CNTN4: variants seen among roughly 807,000 people sequenced by gnomAD.
The protein encoded by CNTN4 is contactin-4.
In CNTN4, 77 loss-of-function variants were observed where a neutral mutation model predicts 122.5. The observed-to-expected ratio is 0.63, with a 90% confidence interval of 0.52 to 0.76. The LOEUF is 0.76. Ranked by LOEUF, CNTN4 falls within the 30% of genes least tolerant of loss-of-function variation. The probability of loss-of-function intolerance (pLI) is 0.00; values close to 1 mark genes in which losing one functional copy is unlikely to be tolerated. For synonymous variants in CNTN4, 512 were observed against 447.0 expected (o/e 1.15, Z -1.83); for missense variants, 1,256 against 1,259.1 (o/e 1.00, Z 0.04).
At chr3:2,381,058 T>G (rs1270519418) in intron 3 of CNTN4, among the ~76,000 whole-genome samples, 2 of 151,762 alleles carry the variant, frequency 1.3e-5, no homozygotes, top group African/African-American at 4.8e-5. Flanking sequence ...CAGGCTGGAG[T>G]GCAGTGGCAC....
intron 16 of CNTN4, 139 bp downstream of exon 16, chr3:3,031,114 A>C (rs1699124385): frequency 2.7e-6 from 3 of 1,097,680 alleles, no homozygotes; most frequent in Non-Finnish European, 4.1e-6. Flanking sequence ...AGTGGCTAAC[A>C]GTCCACAGAA....
At chr3:2,491,947 T>C (rs2076329977) in intron 3 of CNTN4, among the ~76,000 whole-genome samples, 2 of 152,212 alleles carry the variant, frequency 1.3e-5, no homozygotes, top group South Asian at 4.1e-4. Context: ...CTGTAAACTT[T>C]TTAGGCAATG....
intron 10 of CNTN4, 80 bp from the exon 11 acceptor site, chr3:2,900,605 T>A: frequency 6.9e-7 from 1 of 1,448,376 alleles, no homozygotes; most frequent in Non-Finnish European, 9.7e-7. Context: ...AGTGTACTTT[T>A]GCCCTTTGAT....
At chr3:2,634,811 A>C (rs759449190) in intron 4 of CNTN4, among the ~76,000 whole-genome samples, 18 of 151,904 alleles carry the variant, frequency 1.2e-4, no homozygotes, top group African/African-American at 2.9e-4. Context: ...AGCCAAGATC[A>C]CACCACTGTA....
rs77369963 is a variant in CNTN4, at chr3:2,412,881, T to A, written c.-89+73648T>A. On this transcript the variant is annotated intron_variant, in intron 3 of 24. Transcript: ENST00000418658. ...GCAATTTATTTATATTAGCTGTATC[T>A]TGCTTTTTAAAAAATAAAAAAGGAT... Among the ~76,000 whole-genome samples the A allele has an allele frequency of 9.1e-3, 1,381 of 152,340 alleles. 21 individuals carry two copies. Among genetic ancestry groups the A allele is most frequent in the South Asian group, 0.061 (296 of 4,828 alleles).
intron 14 of CNTN4, among the ~76,000 whole-genome samples, chr3:3,020,457 C>A (rs761637084): frequency 2.6e-5 from 4 of 152,184 alleles, no homozygotes; most frequent in Non-Finnish European, 5.9e-5. Context: ...GGATCACCAG[C>A]GAACAGGGTG....
chr3:2,581,387 CT>C (rs931862816), intron 4 of CNTN4, among the ~76,000 whole-genome samples: 5 of 152,112 alleles, frequency 3.3e-5, no homozygotes, highest in African/African-American at 1.2e-4. Flanking sequence ...ACATTAAGCA[CT>C]CTTGAAAGAC....
intron 3 of CNTN4, among the ~76,000 whole-genome samples, chr3:2,351,775 A>G (rs1269984817): frequency 6.7e-6 from 1 of 148,300 alleles, no homozygotes. Context: ...AAAAAACTGA[A>G]CTCACAGAAG....
intron 2 of CNTN4, among the ~76,000 whole-genome samples, chr3:2,256,256 C>T (rs915968435): frequency 1.3e-5 from 2 of 152,156 alleles, no homozygotes; most frequent in Non-Finnish European, 2.9e-5. Context: ...AGTCAAATCT[C>T]TGAATAGACC....
chr3:2,647,393 A>G (rs2083177555), intron 4 of CNTN4, among the ~76,000 whole-genome samples: 1 of 33,452 alleles, frequency 3.0e-5, no homozygotes, highest in Admixed American at 2.6e-4. Context: ...AAATAAATAA[A>G]TAAATAAATA....
chr3:2,954,967 G>A (rs777565968), intron 13 of CNTN4, among the ~76,000 whole-genome samples: 54 of 152,120 alleles, frequency 3.5e-4, no homozygotes, highest in Admixed American at 2.0e-3. Context: ...CCCCTGCCCC[G>A]CACCACCCCA....
Position 2,887,133 on chromosome 3 carries a change from T to C in CNTN4, c.849T>C (p.Pro283=). The change falls in exon 10 of 25, where the codon CCT becomes CCC. Residue 283 remains proline (P), a synonymous_variant. Coordinates refer to ENST00000418658, the MANE Select transcript of CNTN4 (RefSeq NM_175607.3). Reference sequence around the variant, plus strand: ...AGTCAAATGGAATTCTTGAGATCCCTAATTTTCAGCAGGAGGATGCTGGTT... The same window carrying C: ...AGTCAAATGGAATTCTTGAGATCCCCAATTTTCAGCAGGAGGATGCTGGTT... ...RHKSNGILEI[P]NFQQEDAGLY... The C allele has an allele frequency of 6.2e-7, 1 of 1,614,136 alleles. No individual in the cohort carries two copies. The highest frequency in any genetic ancestry group is 8.5e-7 in the Non-Finnish European group (1 of 1,179,994).
At chr3:2,682,817 C>A (rs2085233510) in intron 4 of CNTN4, among the ~76,000 whole-genome samples, 1 of 152,102 alleles carries the variant, frequency 6.6e-6, no homozygotes, top group Non-Finnish European at 1.5e-5. Flanking sequence ...TATTAGTCAT[C>A]ACTTAATCCA....
intron 13 of CNTN4, among the ~76,000 whole-genome samples, chr3:2,939,607 C>T (rs1005301631): frequency 1.2e-4 from 19 of 152,218 alleles, no homozygotes; most frequent in African/African-American, 4.3e-4. Flanking sequence ...AGGCTGAAAG[C>T]AGCTCTGTGT....
chr3:2,606,265 A>C (rs1023174759), intron 4 of CNTN4, among the ~76,000 whole-genome samples: 15 of 152,168 alleles, frequency 9.9e-5, no homozygotes, highest in Non-Finnish European at 1.5e-4. Flanking sequence ...TAAGGTTTCA[A>C]ACGGAGAACA....
intron 3 of CNTN4, among the ~76,000 whole-genome samples, chr3:2,445,304 C>A (rs1240155948): frequency 6.6e-6 from 1 of 152,088 alleles, no homozygotes; most frequent in East Asian, 1.9e-4. Flanking sequence ...TAGAGGAGGA[C>A]CTGCATATTC....
intron 13 of CNTN4, among the ~76,000 whole-genome samples, chr3:2,940,503 T>G (rs193156821): frequency 2.0e-5 from 3 of 152,116 alleles, no homozygotes; most frequent in East Asian, 3.9e-4. Flanking sequence ...TGCAAGAGAG[T>G]GACATATTTG....
chr3:2,645,133 G>C (rs2083064227), intron 4 of CNTN4, among the ~76,000 whole-genome samples: 1 of 151,988 alleles, frequency 6.6e-6, no homozygotes, highest in African/African-American at 2.4e-5. Context: ...CATGAAAATT[G>C]CTCAGGCTTC....
At chr3:2,899,284 T>A (rs1441203549) in intron 10 of CNTN4, among the ~76,000 whole-genome samples, 1 of 152,210 alleles carries the variant, frequency 6.6e-6, no homozygotes, top group Non-Finnish European at 1.5e-5. Context: ...TGAATTAAAA[T>A]TATGGATGAT....
Sources: gnomAD v4.1 joint callset for allele counts (sites outside exome capture counted in the v4.1 genomes callset) on GRCh38, gnomAD v4.1.1 for gene constraint, MANE v1.5 for transcripts, NCBI Gene and HGNC (gene_info 2026-07-23, HGNC 2026-07-21) for gene names.